The following PDLIM5 variants were observed in gnomAD, a reference collection of about 807,000 sequenced individuals.
The protein encoded by PDLIM5 is PDZ and LIM domain protein 5.
In PDLIM5, 34 loss-of-function variants were observed where a neutral mutation model predicts 64.2. That is an observed-to-expected ratio of 0.53 (90% confidence interval 0.40 to 0.71). The LOEUF is 0.71. Ranked by LOEUF, PDLIM5 falls within the 30% of genes least tolerant of loss-of-function variation. PDLIM5 has a pLI of 0.00. For missense variants in PDLIM5, 683 were observed against 733.6 expected (o/e 0.93, Z 0.80); for synonymous variants, 253 against 269.1 (o/e 0.94, Z 0.59).
At chr4:94,620,259 C>T (rs1739114113) in intron 8 of PDLIM5, among the ~76,000 whole-genome samples, 1 of 152,170 alleles carries the variant, frequency 6.6e-6, no homozygotes, top group Non-Finnish European at 1.5e-5. Context: ...CCACTTTTCA[C>T]AATGTGATAG....
At chr4:94,566,780 A>T (rs893204732) in intron 3 of PDLIM5, among the ~76,000 whole-genome samples, 7 of 152,256 alleles carry the variant, frequency 4.6e-5, no homozygotes, top group African/African-American at 1.4e-4. Flanking sequence ...AAAAATAAAT[A>T]GTCAAACTTC....
intron 2 of PDLIM5, chr4:94,455,780 A>G (rs764863867): frequency 4.6e-6 from 7 of 1,517,750 alleles, no homozygotes; most frequent in Non-Finnish European, 6.2e-6. Flanking sequence ...CTGTTGATCA[A>G]AATTGAATAA....
chr4:94,528,026 T>C (rs775772261), intron 3 of PDLIM5, among the ~76,000 whole-genome samples: 1 of 152,166 alleles, frequency 6.6e-6, no homozygotes, highest in Non-Finnish European at 1.5e-5. Context: ...ATCCCTCTGC[T>C]CAGAAGGTCG....
rs1287356620 is a variant in PDLIM5, at chr4:94,665,879, T to C, written c.*1812T>C. The stretch of plus-strand genomic sequence containing the variant: ...TTTAATTACTCAGATTGGCCTGTTA[T>C]TTGATTTCCTCCTTTGGGAAAAGAA... On this transcript the variant is annotated 3_prime_UTR_variant, in exon 13 of 13. Coordinates refer to ENST00000317968, the MANE Select transcript of PDLIM5 (RefSeq NM_006457.5). 8 of 1,417,286 alleles carry C rather than the reference T, an allele frequency of 5.6e-6. No homozygotes were observed. The highest frequency in any genetic ancestry group is 4.0e-4 in the Middle Eastern group (2 of 4,956). 87.8% of individuals were successfully genotyped at this position (1,417,286 alleles called of 1,614,324 possible).
At position 94,455,296 on chromosome 4, in the gene PDLIM5, A is replaced by G. The variant is rs1723231644; in HGVS notation, c.8A>G (p.Asn3Ser). The change falls in exon 2 of 13, where the codon AAC becomes AGC. Residue 3 changes from asparagine (N) to serine (S), a missense_variant. Physicochemically the swap from Asn to Ser is conservative, Grantham distance 46 (BLOSUM62 1). Coordinates refer to ENST00000317968, the MANE Select transcript of PDLIM5 (RefSeq NM_006457.5). Reference sequence around the variant, plus strand: ...CTTTGAGCCATTAGAACCATGAGCAACTACAGTGTGTCACTGGTTGGCCCA... The same window carrying G: ...CTTTGAGCCATTAGAACCATGAGCAGCTACAGTGTGTCACTGGTTGGCCCA... MS[N>S]YSVSLVGPAP... The G allele has an allele frequency of 1.9e-6, 3 of 1,607,714 alleles. No individual in the cohort carries two copies. The highest frequency in any genetic ancestry group is 1.7e-5 in the Admixed American group (1 of 59,988).
intron 5 of PDLIM5, chr4:94,584,331 A>G (rs1199457123): frequency 6.6e-6 from 1 of 152,214 alleles, no homozygotes; most frequent in Non-Finnish European, 1.5e-5. Flanking sequence ...GATGCTCAAT[A>G]TATCATAGTA....
rs184266173 is a variant in PDLIM5, at chr4:94,562,611, G to C, written c.249-10740G>C. Among the ~76,000 whole-genome samples, 330 of 152,242 alleles carry C rather than the reference G, an allele frequency of 2.2e-3. 1 individual carries two copies. Among genetic ancestry groups the C allele is most frequent in the African/African-American group, 7.2e-3 (298 of 41,550 alleles). ...CTCAAGGTTTTTGTTTAGTGGATTT[G>C]TCCCATTGAACAAGTATAGTCCAGT... is the stretch of plus-strand genomic sequence containing the variant. On this transcript the variant is annotated intron_variant, in intron 3 of 12. Coordinates refer to ENST00000317968, the MANE Select transcript of PDLIM5 (RefSeq NM_006457.5).
At chr4:94,593,561 A>G (rs1736839713) in intron 7 of PDLIM5, among the ~76,000 whole-genome samples, 1 of 152,084 alleles carries the variant, frequency 6.6e-6, no homozygotes, top group South Asian at 2.1e-4. Flanking sequence ...TCTTCTCATG[A>G]AAGCTCTGGG....
intron 8 of PDLIM5, among the ~76,000 whole-genome samples, chr4:94,633,121 T>G (rs1257285124): frequency 6.6e-6 from 1 of 152,194 alleles, no homozygotes; most frequent in Non-Finnish European, 1.5e-5. Flanking sequence ...TTTTAGAGAT[T>G]ATATTACAAT....
chr4:94,456,850 A>T, intron 2 of PDLIM5: 2 of 1,104,512 alleles, frequency 1.8e-6, no homozygotes, highest in Non-Finnish European at 2.2e-6. Flanking sequence ...TGAATGCATC[A>T]TCTCATTTAA....
chr4:94,587,489 C>A (rs756662647), intron 7 of PDLIM5: 111 of 894,892 alleles, frequency 1.2e-4, no homozygotes, highest in Non-Finnish European at 1.4e-4. Context: ...TTAACATCTC[C>A]CAAGATTACT....
chr4:94,579,436 G>C (rs1478151997), intron 5 of PDLIM5: 1 of 593,444 alleles, frequency 1.7e-6, no homozygotes, highest in Non-Finnish European at 2.9e-6. Context: ...AACAGCTCCT[G>C]TGTGATACTT....
intron 2 of PDLIM5, among the ~76,000 whole-genome samples, chr4:94,502,745 T>A (rs1183670324): frequency 6.6e-6 from 1 of 151,744 alleles, no homozygotes; most frequent in Non-Finnish European, 1.5e-5. Context: ...GGCGGGGTGG[T>A]ATGCACCTGT....
intron 2 of PDLIM5, among the ~76,000 whole-genome samples, chr4:94,489,914 C>CA (rs1553939817): frequency 6.6e-6 from 1 of 151,852 alleles, no homozygotes; most frequent in Admixed American, 6.6e-5. Context: ...CTGCAGCTTT[C>CA]TTTTTTTTCT....
At chr4:94,490,264 ATACT>A (rs1726752119) in intron 2 of PDLIM5, among the ~76,000 whole-genome samples, 1 of 152,060 alleles carries the variant, frequency 6.6e-6, no homozygotes, top group African/African-American at 2.4e-5. Context: ...TGTTTTCTAT[ATACT>A]TGTTTCTGTA....
At chr4:94,551,159 T>G (rs888770591) in intron 3 of PDLIM5, among the ~76,000 whole-genome samples, 8 of 152,126 alleles carry the variant, frequency 5.3e-5, no homozygotes, top group Admixed American at 5.2e-4. Flanking sequence ...AAAAGATCAT[T>G]TCTATCTCAG....
chr4:94,649,433 C>G (rs552629465), intron 9 of PDLIM5, among the ~76,000 whole-genome samples: 4 of 152,182 alleles, frequency 2.6e-5, no homozygotes, highest in African/African-American at 9.7e-5. Context: ...TAAATTCTCC[C>G]ATTTCATCCC....
At chr4:94,607,517 G>C (rs1738022785) in intron 7 of PDLIM5, among the ~76,000 whole-genome samples, 1 of 152,120 alleles carries the variant, frequency 6.6e-6, no homozygotes, top group Non-Finnish European at 1.5e-5. Flanking sequence ...AGATAAAATA[G>C]TTTGTTTACA....
chr4:94,621,375 G>A (rs746122157), intron 8 of PDLIM5, among the ~76,000 whole-genome samples: 1 of 152,118 alleles, frequency 6.6e-6, no homozygotes, highest in African/African-American at 2.4e-5. Flanking sequence ...TTTATTTAAA[G>A]CCTATGTATG....
Sources: gnomAD v4.1 joint callset for allele counts (sites outside exome capture counted in the v4.1 genomes callset) on GRCh38, gnomAD v4.1.1 for gene constraint, MANE v1.5 for transcripts, NCBI Gene and HGNC (gene_info 2026-07-23, HGNC 2026-07-21) for gene names.